NLRC3: variants seen among roughly 807,000 people sequenced by gnomAD.
The protein encoded by NLRC3 is NLR family CARD domain containing 3.
A neutral mutation model predicts 91.6 loss-of-function variants in NLRC3; 87 were observed. The observed-to-expected ratio is 0.95, with a 90% confidence interval of 0.80 to 1.14. The LOEUF (loss-of-function observed/expected upper bound fraction) is 1.14, where lower values mean the gene tolerates loss of function less well. Ranked by LOEUF, NLRC3 falls within the 50% of genes most tolerant of loss-of-function variation. The pLI, the probability that NLRC3 is intolerant of heterozygous loss-of-function variation, is 0.00. For synonymous variants in NLRC3, 694 were observed against 625.3 expected (o/e 1.11, Z -1.64); for missense variants, 1,577 against 1,418.6 (o/e 1.11, Z -1.79).
intron 2 of NLRC3, among the ~76,000 whole-genome samples, chr16:3,565,793 A>T (rs1212549503): frequency 6.6e-6 from 1 of 152,148 alleles, no homozygotes; most frequent in Non-Finnish European, 1.5e-5. Flanking sequence ...CTTTAATCCC[A>T]ACACTTTGGG....
chr16:3,546,471 C>A (rs1323048228), intron 15 of NLRC3, among the ~76,000 whole-genome samples: 2 of 151,758 alleles, frequency 1.3e-5, no homozygotes, highest in African/African-American at 2.4e-5. Flanking sequence ...GCAGGAGAAT[C>A]GCTTGGACCT....
At chr16:3,548,482 G>A (rs975695410) in intron 14 of NLRC3, among the ~76,000 whole-genome samples, 188 bp downstream of exon 14, 1 of 152,240 alleles carries the variant, frequency 6.6e-6, no homozygotes, top group Admixed American at 6.5e-5. Flanking sequence ...CTTAACACAT[G>A]TCTGTCTGTG....
In NLRC3 at chr16:3,563,206, G is replaced by T. The variant is rs9940099; in HGVS notation, c.1731C>A (p.Thr577=). 0.061 allele frequency: 97,344 copies of T among 1,597,402 alleles called. 3,227 individuals are homozygous for T. The highest frequency in any genetic ancestry group is 0.065 in the Non-Finnish European group (76,340 of 1,174,564). The change falls in exon 5 of 20, where the codon ACC becomes ACA. Residue 577 remains threonine (T), a synonymous_variant. Coordinates refer to ENST00000359128, the MANE Select transcript of NLRC3 (RefSeq NM_178844.4). ...VLHCLHELQH[T]ELARSVEEAM... ...CCTCCTCCACGCTGCGGGCCAGCTC[G>T]GTGTGCTGCAGCTCATGCAGGCAGT... is the stretch of plus-strand genomic sequence containing the variant.
intron 1 of NLRC3, among the ~76,000 whole-genome samples, chr16:3,575,372 C>T (rs2040246831): frequency 6.6e-6 from 1 of 152,190 alleles, no homozygotes; most frequent in African/African-American, 2.4e-5. Context: ...GTCGCGAGGC[C>T]GCAGACGCCA....
At chr16:3,543,681 C>T in intron 16 of NLRC3, 173 bp from the exon 17 acceptor site, 1 of 602,572 alleles carries the variant, frequency 1.7e-6, no homozygotes, top group Non-Finnish European at 3.0e-6. Context: ...TGTCTGTTGC[C>T]TAAGACAGAG....
intron 16 of NLRC3, 56 bp downstream of exon 16, chr16:3,544,190 G>T: frequency 9.9e-7 from 1 of 1,008,502 alleles, no homozygotes; most frequent in Non-Finnish European, 1.6e-6. Flanking sequence ...GACCTCTAAC[G>T]TGAAAGGATG....
chr16:3,575,865 G>C (rs751945010), intron 1 of NLRC3, among the ~76,000 whole-genome samples: 2 of 152,180 alleles, frequency 1.3e-5, no homozygotes, highest in African/African-American at 2.4e-5. Flanking sequence ...TCCCACCACG[G>C]CTGCTTGGAT....
chr16:3,563,413 C>T lies in NLRC3; in HGVS notation c.1524G>A (p.Gly508=). 1.9e-6 allele frequency: 3 copies of T among 1,576,324 alleles called. No homozygotes were observed. Among genetic ancestry groups the T allele is most frequent in the Middle Eastern group, 3.4e-4 (2 of 5,946 alleles). ...GGAAGCGCAGGAACACGTCCAGCCTCCCGTCCTCTGCCTGCATGGCCCGCT... is the reference window on the plus strand; with the variant it reads ...GGAAGCGCAGGAACACGTCCAGCCTTCCGTCCTCTGCCTGCATGGCCCGCT... ...AAQRAMQAED[G]RLDVFLRFLS... is the part of the protein sequence containing the mutation. The change falls in exon 5 of 20, where the codon GGG becomes GGA. Residue 508 remains glycine, a synonymous_variant. Coordinates refer to ENST00000359128, the MANE Select transcript of NLRC3 (RefSeq NM_178844.4).
chr16:3,573,642 G>A (rs760678308), intron 1 of NLRC3, among the ~76,000 whole-genome samples: 23 of 152,266 alleles, frequency 1.5e-4, no homozygotes, highest in Admixed American at 2.0e-4. Flanking sequence ...TGCTGGGGGC[G>A]GGAGTGGCCA....
Position 3,565,009 on chromosome 16 carries a change from T to C in NLRC3, c.28A>G (p.Arg10Gly). 6.2e-7 allele frequency: 1 copy of C among 1,610,266 alleles called. No homozygotes were observed. The highest frequency in any genetic ancestry group is 8.5e-7 in the Non-Finnish European group (1 of 1,179,706). MRKQEVRTG[R>G]EAGQGHGTGS... ...GTACCGTGGCCCTGGCCGGCCTCCC[T>C]GCCCGTCCGCACCTCTTGCTTCCTC... Residue 10 changes from arginine to glycine, a missense_variant, in exon 4 of 20, where the codon AGG becomes GGG. Transcript: ENST00000359128.
In NLRC3 at chr16:3,561,684, C is replaced by A; in HGVS notation, c.2015+18G>T. On this transcript the variant is annotated intron_variant, in intron 6 of 19. Transcript: ENST00000359128. The stretch of plus-strand genomic sequence containing the variant: ...ACAAGACCATAGGCACCCTGGAGGT[C>A]CCCTGGGTCTGTGTTACCTGATCTT... 6.3e-7 allele frequency: 1 copy of A among 1,575,798 alleles called. No individual in the cohort carries two copies. The highest frequency in any genetic ancestry group is 8.7e-7 in the Non-Finnish European group (1 of 1,145,478).
rs1217141881 is a variant in NLRC3 at position 3,539,204 on chromosome 16, A to T, written c.*2621T>A. 2 of 152,204 alleles carry T rather than the reference A, an allele frequency of 1.3e-5. No homozygotes were observed. Among genetic ancestry groups the T allele is most frequent in the Admixed American group, 1.3e-4 (2 of 15,284 alleles). The allele number at this position is 152,204 out of a possible 1,614,324, so 9.4% of individuals were successfully genotyped here. ...GTCTGGAAGGAAATTGTATTCATTTAGGTAAGCAACACACTACATAAATAT... is the reference window on the plus strand; with the variant it reads ...GTCTGGAAGGAAATTGTATTCATTTTGGTAAGCAACACACTACATAAATAT... On this transcript the variant is annotated 3_prime_UTR_variant, in exon 20 of 20. Coordinates refer to ENST00000359128, the MANE Select transcript of NLRC3 (RefSeq NM_178844.4).
chr16:3,545,160 G>C (rs1447238813), intron 15 of NLRC3: 1 of 152,268 alleles, frequency 6.6e-6, no homozygotes, highest in Non-Finnish European at 1.5e-5. Context: ...AGACATTTGA[G>C]TGTGGCCGGG....
rs114525226 is a variant in NLRC3 at position 3,575,532 on chromosome 16, C to T, written c.-169+1617G>A. Among the ~76,000 whole-genome samples the T allele has an allele frequency of 4.4e-3, 663 of 152,314 alleles. 6 individuals carry two copies. The highest frequency in any genetic ancestry group is 0.015 in the African/African-American group (624 of 41,570). On this transcript the variant is annotated intron_variant, in intron 1 of 19. Transcript: ENST00000359128. ...TGCGAGCAGGGCGAGGCCAGAGGGA[C>T]GAGTAGGTGCCACTGCTGCCTCCTC... is the stretch of plus-strand genomic sequence containing the variant.
intron 1 of NLRC3, among the ~76,000 whole-genome samples, chr16:3,570,374 A>G (rs1214290342): frequency 6.6e-6 from 1 of 152,194 alleles, no homozygotes. Context: ...TCAACCAGCA[A>G]ATATTTATGG....
intron 18 of NLRC3, 56 bp from the exon 19 acceptor site, chr16:3,542,330 C>T: frequency 9.2e-7 from 1 of 1,083,386 alleles, no homozygotes; most frequent in Middle Eastern, 1.9e-4. Flanking sequence ...AAGGAAAACA[C>T]CCGGGGAAGC....
chr16:3,549,911 T>TG (rs1292512293), intron 11 of NLRC3, 131 bp from the exon 12 acceptor site: 1 of 620,128 alleles, frequency 1.6e-6, no homozygotes, highest in Non-Finnish European at 2.9e-6. Context: ...GTGGCCACAC[T>TG]GCTTCTCTTC....
intron 9 of NLRC3, among the ~76,000 whole-genome samples, chr16:3,553,355 C>T (rs1417722348): frequency 6.6e-6 from 1 of 152,242 alleles, no homozygotes; most frequent in African/African-American, 2.4e-5. Context: ...CAAAGAGTCC[C>T]TCCTTCCCTG....
rs199476282 is a variant in NLRC3 at position 3,556,662 on chromosome 16, G to A, written c.2183+249C>T. Among the ~76,000 whole-genome samples the A allele has an allele frequency of 1.3e-5, 2 of 152,162 alleles. No individual in the cohort carries two copies. Among genetic ancestry groups the A allele is most frequent in the East Asian group, 1.9e-4 (1 of 5,168 alleles). On this transcript the variant is annotated intron_variant, in intron 8 of 19. Coordinates refer to ENST00000359128, the MANE Select transcript of NLRC3 (RefSeq NM_178844.4). ...TGGGATTACAGGCACCTGCCACCAC[G>A]CCAGCTAATTTTTGTTTTTTAGTAG...
Sources: allele counts gnomAD v4.1 joint callset (sites outside exome capture counted in the v4.1 genomes callset), GRCh38; gene constraint gnomAD v4.1.1; transcripts MANE v1.5; gene names NCBI Gene and HGNC (gene_info 2026-07-23, HGNC 2026-07-21).